Variants in SAXO1 observed in about 807,000 individuals in gnomAD.
SAXO1 encodes stabilizer of axonemal microtubules 1.
In SAXO1, 21 loss-of-function variants were observed where a neutral mutation model predicts 17.5. The observed-to-expected ratio is 1.20, with a 90% confidence interval of 0.85 to 1.72. The LOEUF (loss-of-function observed/expected upper bound fraction) is 1.72. Ranked by LOEUF, SAXO1 falls within the 40% of genes most tolerant of loss-of-function variation. The pLI is 0.00. For synonymous variants in SAXO1, 274 were observed against 216.5 expected (o/e 1.27, Z -2.33); for missense variants, 843 against 596.0 (o/e 1.41, Z -4.32).
Position 19,049,334 on chromosome 9 carries a change from G to C in SAXO1, c.-283C>G, listed in dbSNP as rs996033018. On this transcript the variant is annotated 5_prime_UTR_variant, in exon 1 of 4. Coordinates refer to the SAXO1 transcript ENST00000542071. This position sits in a 1 kb window ranked among gnomAD's most constrained non-coding sequence, Gnocchi z 5.4. ...GAGCAGCGGCTTTTCAAGGCTCGTC[G>C]GGCACGGAGGGCGGAGCGAGGGAGC... The C allele has an allele frequency of 1.6e-5, 4 of 247,480 alleles. No homozygotes were observed. The highest frequency in any genetic ancestry group is 3.1e-5 in the Non-Finnish European group (4 of 130,018). The allele number at this position is 247,480 out of a possible 1,614,324, so 15.3% of individuals were successfully genotyped here. A position where few individuals can be genotyped will look rare whatever the true frequency, so the allele number is the denominator to read the frequency against.
intron 1 of SAXO1, among the ~76,000 whole-genome samples, chr9:18,958,891 C>T (rs1016827350): frequency 6.6e-6 from 1 of 152,010 alleles, no homozygotes; most frequent in African/African-American, 2.4e-5. Flanking sequence ...AAAAACAAAA[C>T]CTTGGAGAAA....
At chr9:19,004,846 C>A (rs571393595) in intron 1 of SAXO1, among the ~76,000 whole-genome samples, 3 of 151,994 alleles carry the variant, frequency 2.0e-5, no homozygotes, top group East Asian at 3.9e-4. Context: ...TGCACATGTA[C>A]GCTAGAACTT....
chr9:19,013,932 G>C (rs1249102415), intron 1 of SAXO1, among the ~76,000 whole-genome samples: 1 of 152,102 alleles, frequency 6.6e-6, no homozygotes, highest in African/African-American at 2.4e-5. Flanking sequence ...CCCAGTTCGT[G>C]AGCTGGGCAT....
At chr9:18,961,082 C>G (rs1004432207) in intron 1 of SAXO1, among the ~76,000 whole-genome samples, 9 of 151,930 alleles carry the variant, frequency 5.9e-5, no homozygotes, top group Non-Finnish European at 1.3e-4. Flanking sequence ...GAAAAAAGAA[C>G]AATTATTGAA....
upstream of SAXO1, among the ~76,000 whole-genome samples, chr9:19,034,658 G>T (rs1156750358): frequency 6.6e-6 from 1 of 152,160 alleles, no homozygotes; most frequent in Non-Finnish European, 1.5e-5. Flanking sequence ...AGAACAGTGG[G>T]GTGGGAAGCT....
At chr9:19,009,831 C>CTTT (rs34704836) in intron 1 of SAXO1, among the ~76,000 whole-genome samples, 25 of 146,152 alleles carry the variant, frequency 1.7e-4, no homozygotes, top group African/African-American at 5.3e-4. Context: ...TTGGGGTTTT[C>CTTT]TTTTTTTTTT....
intron 1 of SAXO1, among the ~76,000 whole-genome samples, chr9:19,022,495 G>C (rs1179468008): frequency 6.6e-6 from 1 of 152,182 alleles, no homozygotes; most frequent in Non-Finnish European, 1.5e-5. Context: ...TCTTCATTTG[G>C]AGCTGTTGTT....
rs1432616207 is a variant in SAXO1 at position 18,941,711 on chromosome 9, CGACA to C, written c.343_346del (p.Cys115GlufsTer64). On this transcript the variant is annotated frameshift_variant, in exon 3 of 4. Coordinates refer to ENST00000380534, the MANE Select transcript of SAXO1 (RefSeq NM_153707.4). LOFTEE classifies it high-confidence loss of function. ...GTCCCGAGGTTTGATGGGGTCCACT[CGACA>C]GACAGGGTAGGGATTGTAATCTTTC... 11 of 1,614,036 alleles carry C rather than the reference CGACA, an allele frequency of 6.8e-6. No homozygotes were observed. The highest frequency in any genetic ancestry group is 9.3e-6 in the Non-Finnish European group (11 of 1,180,038).
In SAXO1 at chr9:18,928,406, G is replaced by C; in HGVS notation, c.1071C>G (p.Pro357=). ...WSSMRTEPVK[P]VPQLDLPTEP... ...CGGTGGGCAAGTCCAGCTGGGGAAC[G>C]GGCTTGACTGGCTCTGTGCGCATGC... The change falls in exon 4 of 4, where the codon CCC becomes CCG. Residue 357 remains proline, a synonymous_variant. Transcript: ENST00000380534. 2 of 1,609,504 alleles carry C rather than the reference G, an allele frequency of 1.2e-6. No individual in the cohort carries two copies. Among genetic ancestry groups the C allele is most frequent in the Non-Finnish European group, 1.7e-6 (2 of 1,177,466 alleles).
chr9:18,936,875 G>A (rs1171092926), intron 3 of SAXO1, among the ~76,000 whole-genome samples: 1 of 152,158 alleles, frequency 6.6e-6, no homozygotes, highest in Non-Finnish European at 1.5e-5. Flanking sequence ...ATATTTTATT[G>A]GTGGTTTTCT....
At chr9:19,011,621 A>G (rs1379102352) in intron 1 of SAXO1, among the ~76,000 whole-genome samples, 1 of 152,208 alleles carries the variant, frequency 6.6e-6, no homozygotes, top group Non-Finnish European at 1.5e-5. Flanking sequence ...ATAGATGGGT[A>G]GATACACCGA....
chr9:19,036,933 G>A (rs565269150), upstream of SAXO1, among the ~76,000 whole-genome samples: 45 of 152,274 alleles, frequency 3.0e-4, no homozygotes, highest in African/African-American at 4.8e-4. Context: ...GAAGGGAGGC[G>A]GTACCCTGGA....
At chr9:18,932,577 C>T (rs1831101241) in intron 3 of SAXO1, among the ~76,000 whole-genome samples, 1 of 152,166 alleles carries the variant, frequency 6.6e-6, no homozygotes, top group Admixed American at 6.5e-5. Context: ...GAAAAGGAGC[C>T]TTCTGAGATT....
rs1203643602 is a variant in SAXO1, at chr9:18,945,760, C to CTTCATATAAA, written c.219-3922_219-3921insTTTATATGAA. On this transcript the variant is annotated intron_variant, in intron 2 of 3. Coordinates refer to ENST00000380534, the MANE Select transcript of SAXO1 (RefSeq NM_153707.4). ...TATCTGTCACCACTTCATATAAACC[C>CTTCATATAAA]TAGGCAAACTATTTCAAATGACTTT... Among the ~76,000 whole-genome samples the CTTCATATAAA allele has an allele frequency of 2.0e-4, 30 of 152,276 alleles. No individual in the cohort carries two copies. The East Asian group carries it at 4.8e-3, about 24-fold the overall frequency.
intron 1 of SAXO1, among the ~76,000 whole-genome samples, chr9:19,038,758 A>T (rs1475051509): frequency 6.6e-6 from 1 of 151,864 alleles, no homozygotes; most frequent in Non-Finnish European, 1.5e-5. Context: ...AAGTATAATA[A>T]TAAAAAAAAA....
intron 1 of SAXO1, among the ~76,000 whole-genome samples, chr9:19,005,611 C>T (rs575829867): frequency 2.0e-5 from 3 of 152,132 alleles, no homozygotes; most frequent in Non-Finnish European, 2.9e-5. Flanking sequence ...TACCTAACAC[C>T]ACATACAAAA....
At chr9:19,004,926 T>C (rs1484803879) in intron 1 of SAXO1, among the ~76,000 whole-genome samples, 1 of 152,122 alleles carries the variant, frequency 6.6e-6, no homozygotes, top group Non-Finnish European at 1.5e-5. Flanking sequence ...TTTGAACTAA[T>C]AAATGAACCC....
intron 3 of SAXO1, among the ~76,000 whole-genome samples, chr9:18,933,908 T>C (rs1480263108): frequency 6.6e-6 from 1 of 152,062 alleles, no homozygotes; most frequent in Non-Finnish European, 1.5e-5. Context: ...TAGCCAGGCG[T>C]AGTGGCGGGC....
chr9:18,961,153 T>C (rs1459227571), intron 1 of SAXO1, among the ~76,000 whole-genome samples: 1 of 151,314 alleles, frequency 6.6e-6, no homozygotes, highest in Admixed American at 6.6e-5. Context: ...ATCTCTTATT[T>C]ACTTTGAAAT....
Sources: gnomAD v4.1 joint callset for allele counts (sites outside exome capture counted in the v4.1 genomes callset) on GRCh38, gnomAD v4.1.1 for gene constraint, Gnocchi (gnomAD v3.1) non-coding constraint, MANE v1.5 for transcripts, NCBI Gene and HGNC (gene_info 2026-07-23, HGNC 2026-07-21) for gene names.